The following ANAPC4 variants were observed in gnomAD, a reference collection of about 807,000 sequenced individuals.
ANAPC4 encodes anaphase-promoting complex subunit 4.
A neutral mutation model predicts 119.8 loss-of-function variants in ANAPC4; 63 were observed. That is an observed-to-expected ratio of 0.53 (90% CI 0.43 to 0.65). ANAPC4 has a LOEUF of 0.65. Ranked by LOEUF, ANAPC4 falls within the 30% of genes least tolerant of loss-of-function variation. The pLI, the probability that ANAPC4 is intolerant of heterozygous loss-of-function variation, is 0.00. For missense variants in ANAPC4, 716 were observed against 945.1 expected, an observed-to-expected ratio of 0.76 and a Z score of 3.18; for synonymous variants, 283 against 318.6, an observed-to-expected ratio of 0.89 and a Z score of 1.19.
At chr4:25,396,567 C>G in intron 14 of ANAPC4, 97 bp from the exon 15 acceptor site, 1 of 892,360 alleles carries the variant, frequency 1.1e-6, no homozygotes, top group South Asian at 2.1e-5. Flanking sequence ...ATGAAAGTTA[C>G]TTTCAGTTTT....
rs777572908 is a variant in ANAPC4 at position 25,380,150 on chromosome 4, G to A, written c.130-224G>A. On this transcript the variant is annotated intron_variant, in intron 2 of 28. Transcript: ENST00000315368. ...CTTCTTTATAAAAGGTAAGTCTCCC[G>A]TTGACATAAAAGATTAGGTACAGGG... Among the ~76,000 whole-genome samples, 3 of 152,054 alleles carry A rather than the reference G, an allele frequency of 2.0e-5. No individual in the cohort carries two copies. The East Asian group carries it at 5.8e-4, about 29-fold the overall frequency.
intron 27 of ANAPC4, 87 bp from the exon 28 acceptor site, chr4:25,417,529 C>T (rs1723951374): frequency 7.5e-7 from 1 of 1,337,648 alleles, no homozygotes; most frequent in South Asian, 2.1e-5. Context: ...AAGTCAAAAC[C>T]ATAATTGACC....
intron 25 of ANAPC4, 135 bp from the exon 26 acceptor site, chr4:25,415,331 G>T: frequency 1.7e-6 from 1 of 580,286 alleles, no homozygotes; most frequent in Non-Finnish European, 3.0e-6. Context: ...ATCTATCTAG[G>T]CATTTAAACA....
chr4:25,388,227 T>C (rs767911444), intron 4 of ANAPC4, among the ~76,000 whole-genome samples: 2 of 152,224 alleles, frequency 1.3e-5, no homozygotes, highest in Non-Finnish European at 2.9e-5. Flanking sequence ...TATGAATGCA[T>C]TTCATATGCT....
intron 20 of ANAPC4, among the ~76,000 whole-genome samples, chr4:25,409,142 C>T (rs745473653): frequency 6.6e-5 from 10 of 152,168 alleles, no homozygotes; most frequent in Non-Finnish European, 1.2e-4. Flanking sequence ...CTTTGTGGAT[C>T]CCCAAAAGCA....
At chr4:25,380,284 A>C in intron 2 of ANAPC4, 90 bp from the exon 3 acceptor site, 1 of 903,880 alleles carries the variant, frequency 1.1e-6, no homozygotes, top group Non-Finnish European at 1.7e-6. Context: ...AGAGATGGTC[A>C]TTTAAAAAAA....
At chr4:25,409,095 G>A (rs553851624) in intron 20 of ANAPC4, among the ~76,000 whole-genome samples, 1 of 152,262 alleles carries the variant, frequency 6.6e-6, no homozygotes, top group South Asian at 2.1e-4. Flanking sequence ...AGTGTAAAGG[G>A]CAGGTGACAG....
rs377456652 is a variant in ANAPC4 at position 25,390,210 on chromosome 4, G to A, written c.590G>A (p.Arg197Gln). 40 of 1,609,836 alleles carry A rather than the reference G, an allele frequency of 2.5e-5. No individual in the cohort carries two copies. Among genetic ancestry groups the A allele is most frequent in the East Asian group, 2.2e-4 (10 of 44,700 alleles). The change falls in exon 8 of 29, where the codon CGA becomes CAA. Residue 197 changes from arginine to glutamine, a missense_variant. By Grantham distance (43) the Arg-to-Gln change is conservative. Coordinates refer to ENST00000315368, the MANE Select transcript of ANAPC4 (RefSeq NM_013367.3). ...LYAYGMFKIA[R>Q]VTGIAGTCLA... Reference sequence around the variant, plus strand: ...GCTTATGGAATGTTTAAAATTGCTCGAGTCACAGGGGTAAGATTTCTTTAA... The same window carrying A: ...GCTTATGGAATGTTTAAAATTGCTCAAGTCACAGGGGTAAGATTTCTTTAA...
At chr4:25,386,427 G>T (rs1722040336) in intron 4 of ANAPC4, among the ~76,000 whole-genome samples, 1 of 151,850 alleles carries the variant, frequency 6.6e-6, no homozygotes, top group Admixed American at 6.6e-5. Context: ...TGGCCAGGCT[G>T]GTCTCGAACT....
chr4:25,390,753 A>G (rs1044314832), intron 8 of ANAPC4, among the ~76,000 whole-genome samples, 158 bp from the exon 9 acceptor site: 8 of 152,210 alleles, frequency 5.3e-5, no homozygotes, highest in African/African-American at 1.9e-4. Flanking sequence ...AGAAAGGTCC[A>G]TGCAGGCAGA....
intron 10 of ANAPC4, among the ~76,000 whole-genome samples, chr4:25,392,934 G>A (rs149815636): frequency 1.3e-5 from 2 of 152,130 alleles, no homozygotes; most frequent in Admixed American, 6.5e-5. Context: ...TGTCCACATG[G>A]TGGTGGTAAC....
At chr4:25,406,756 A>G in intron 18 of ANAPC4, 73 bp from the exon 19 acceptor site, 1 of 1,140,212 alleles carries the variant, frequency 8.8e-7, no homozygotes, top group South Asian at 1.4e-5. Context: ...TCACATTTAT[A>G]ATTATGTACC....
At position 25,377,312 on chromosome 4, in the gene ANAPC4, G is replaced by A. The variant is rs1721450832; in HGVS notation, c.-43G>A. ...CAGAGGGAGGGGAGAGGCCACTGGG[G>A]CCGTGTTAGTCTGCCGGTGGGGACT... On this transcript the variant is annotated 5_prime_UTR_variant, in exon 1 of 29. Transcript: ENST00000315368. The A allele has an allele frequency of 4.3e-6, 6 of 1,409,514 alleles. No individual in the cohort carries two copies. The highest frequency in any genetic ancestry group is 2.2e-5 in the Admixed American group (1 of 44,788). The allele number at this position is 1,409,514 out of a possible 1,614,324, so 87.3% of individuals were successfully genotyped here.
chr4:25,390,963 C>G lies in ANAPC4; in HGVS notation c.653C>G (p.Ser218Ter). 6.2e-7 allele frequency: 1 copy of G among 1,613,942 alleles called. No homozygotes were observed. Among genetic ancestry groups the G allele is most frequent in the South Asian group, 1.1e-5 (1 of 91,054 alleles). ...TTATCAAGTGATTTGAAATCATTAT[C>G]AGTGGTCACAGAAGTCTCTACCAAT... ...LCLSSDLKSL[S>*]VVTEVSTNGA... Residue 218 changes from serine to a stop codon, truncating the protein, a stop_gained, in exon 9 of 29, where the codon TCA becomes TGA. Transcript: ENST00000315368. LOFTEE classifies it high-confidence loss of function.
Position 25,416,580 on chromosome 4 carries a change from C to A in ANAPC4, c.2057C>A (p.Thr686Asn), listed in dbSNP as rs368537806. 1.4e-5 allele frequency: 22 copies of A among 1,554,068 alleles called. No individual in the cohort carries two copies. The African/African-American group carries it at 2.6e-4, about 18-fold the overall frequency. ...NSEDSAEYQFTGTYSTRLDEQ... is the reference protein window; with the variant it reads ...NSEDSAEYQFNGTYSTRLDEQ... ...GAAGATTCTGCAGAATATCAGTTCA[C>A]TGGGACTTATTCTACAAGGTAACTA... Residue 686 changes from threonine (T) to asparagine (N), a missense_variant, in exon 27 of 29, where the codon ACT (threonine) becomes AAT (asparagine). Physicochemically the swap from Thr to Asn is moderately conservative, Grantham distance 65 (BLOSUM62 0). Coordinates refer to ENST00000315368, the MANE Select transcript of ANAPC4 (RefSeq NM_013367.3).
intron 8 of ANAPC4, among the ~76,000 whole-genome samples, chr4:25,390,587 G>A (rs750148767): frequency 4.6e-5 from 7 of 152,178 alleles, no homozygotes; most frequent in African/African-American, 7.2e-5. Flanking sequence ...TAGTTGCTAC[G>A]TCTCAGTCTT....
At chr4:25,400,150 G>T (rs914210725) in intron 16 of ANAPC4, among the ~76,000 whole-genome samples, 3 of 152,204 alleles carry the variant, frequency 2.0e-5, no homozygotes, top group Non-Finnish European at 2.9e-5. Flanking sequence ...AAAGGGAATG[G>T]CCAGTAGATG....
intron 5 of ANAPC4, 34 bp from the exon 6 acceptor site, chr4:25,388,683 A>G (rs756029267): frequency 6.3e-7 from 1 of 1,584,100 alleles, no homozygotes; most frequent in Non-Finnish European, 8.6e-7. Context: ...TTTTACTAAG[A>G]GTATTTTTTA....
In ANAPC4 at chr4:25,409,808, C is replaced by G. The variant is rs80055158; in HGVS notation, c.1525+17C>G. The G allele has an allele frequency of 1.7e-3, 2,702 of 1,598,856 alleles. 15 individuals carry two copies. The African/African-American group carries it at 0.018, about 11-fold the overall frequency. Reference sequence around the variant, plus strand: ...ACCTTAAAGGTACTTCATGAACCAACCAGATTTTGGCCATTTTTGTTTTTA... The same window carrying G: ...ACCTTAAAGGTACTTCATGAACCAAGCAGATTTTGGCCATTTTTGTTTTTA... On this transcript the variant is annotated intron_variant, in intron 21 of 28. Transcript: ENST00000315368.
Sources: allele counts gnomAD v4.1 joint callset (sites outside exome capture counted in the v4.1 genomes callset), GRCh38; gene constraint gnomAD v4.1.1; transcripts MANE v1.5; gene names NCBI Gene and HGNC (gene_info 2026-07-23, HGNC 2026-07-21).